The following KAZN variants were observed in gnomAD, a reference collection of about 807,000 sequenced individuals.
KAZN encodes kazrin.
KAZN carries 40 observed loss-of-function variants against 87.4 expected under a neutral mutation model. The ratio of observed to expected loss-of-function variants is 0.46; its 90% CI spans 0.36 to 0.60. KAZN has a LOEUF of 0.60. KAZN is among the 20% of genes least tolerant of loss of function. The pLI is 0.00. For synonymous variants in KAZN, 466 were observed against 458.3 expected, an observed-to-expected ratio of 1.02 and a Z score of -0.22; for missense variants, 898 against 1,073.9, an observed-to-expected ratio of 0.84 and a Z score of 2.29.
chr1:14,840,255 A>T (rs1460700367), intron 1 of KAZN, among the ~76,000 whole-genome samples: 1 of 152,118 alleles, frequency 6.6e-6, no homozygotes, highest in Admixed American at 6.5e-5. Context: ...AAATGATTAG[A>T]TTGCTGGGCG....
intron 1 of KAZN, among the ~76,000 whole-genome samples, chr1:14,603,829 C>T (rs553081890): frequency 6.6e-6 from 1 of 152,172 alleles, no homozygotes; most frequent in Non-Finnish European, 1.5e-5. Flanking sequence ...GTGTTTGTAG[C>T]AGATGGGCTT....
Position 14,554,679 on chromosome 1 carries a change from A to G in KAZN, c.250-44304A>G, listed in dbSNP as rs765956803. 2.0e-5 allele frequency among the ~76,000 whole-genome samples: 3 copies of G among 152,340 alleles called. No individual in the cohort carries two copies. The South Asian group carries it at 6.2e-4, about 32-fold the overall frequency. On this transcript the variant is annotated intron_variant, in intron 2 of 16. Transcript: ENST00000636203. ...TATTAATCCGGTACTTGACATCTCT[A>G]GAAAGATCTGTATTGGAGTCCATGT...
chr1:13,957,333 T>C (rs550563085), intron 1 of KAZN, among the ~76,000 whole-genome samples: 6 of 152,152 alleles, frequency 3.9e-5, no homozygotes, highest in Non-Finnish European at 7.4e-5. Flanking sequence ...AGATCCCTGC[T>C]CTTCTGGGAC....
intron 1 of KAZN, among the ~76,000 whole-genome samples, chr1:14,097,229 C>T (rs1386776454): frequency 6.6e-6 from 1 of 152,210 alleles, no homozygotes; most frequent in East Asian, 1.9e-4. Context: ...AGCCCATTGC[C>T]ATAGTCCAGG....
chr1:14,649,849 T>G (rs1638235580), intron 1 of KAZN, among the ~76,000 whole-genome samples: 1 of 152,184 alleles, frequency 6.6e-6, no homozygotes, highest in African/African-American at 2.4e-5. Context: ...TAATTATTTT[T>G]TATTTATACT....
intron 1 of KAZN, among the ~76,000 whole-genome samples, chr1:14,604,707 C>T (rs180971853): frequency 2.0e-5 from 3 of 152,334 alleles, no homozygotes; most frequent in East Asian, 3.9e-4. Context: ...ATTTATTCTG[C>T]GGGCTTTGTT....
At chr1:14,950,874 T>G (rs187215708) in intron 1 of KAZN, among the ~76,000 whole-genome samples, 1 of 151,962 alleles carries the variant, frequency 6.6e-6, no homozygotes, top group Admixed American at 6.5e-5. Flanking sequence ...AAAGGAAGAG[T>G]GCACAGGGCT....
chr1:13,925,628 T>A (rs1640243681), intron 1 of KAZN, among the ~76,000 whole-genome samples: 2 of 152,070 alleles, frequency 1.3e-5, no homozygotes, highest in South Asian at 4.1e-4. Flanking sequence ...GCTATGGAGA[T>A]CACTTGGGAC....
chr1:14,850,712 G>C (rs1039876158), intron 1 of KAZN, among the ~76,000 whole-genome samples: 2 of 152,170 alleles, frequency 1.3e-5, no homozygotes, highest in African/African-American at 4.8e-5. Context: ...GAACGTGTTT[G>C]AATGAGTGGC....
At chr1:14,775,499 G>A (rs1018371249) in intron 1 of KAZN, among the ~76,000 whole-genome samples, 8 of 152,336 alleles carry the variant, frequency 5.3e-5, no homozygotes, top group Non-Finnish European at 8.8e-5. Context: ...CAGCCTTGGC[G>A]TCCACGCCTT....
In KAZN at chr1:14,735,951, C is replaced by T. The variant is rs1043931598; in HGVS notation, c.226+136728C>T. 1.1e-4 allele frequency among the ~76,000 whole-genome samples: 16 copies of T among 152,140 alleles called. No individual in the cohort carries two copies. Among genetic ancestry groups the T allele is most frequent in the Admixed American group, 8.5e-4 (13 of 15,274 alleles). ...AAGCTTTGGGGGGAATGTGGAGCCC[C>T]CGCAGGAAGATGAGTTACCTCCAAC... On this transcript the variant is annotated intron_variant, in intron 1 of 14. Transcript: ENST00000376030. The surrounding 1 kb of genome is among the most constrained non-coding windows in gnomAD (Gnocchi z 4.3).
At position 14,820,161 on chromosome 1, in the gene KAZN, A is replaced by T. The variant is rs995111509; in HGVS notation, c.227-140523A>T. ...CCCTTCCCAAATATGCAGATTCAGT[A>T]GGAGTGGCAGGGCCCATGAACTCAC... On this transcript the variant is annotated intron_variant, in intron 1 of 14. Coordinates refer to ENST00000376030, the MANE Select transcript of KAZN (RefSeq NM_201628.3). The surrounding 1 kb of genome is among the most constrained non-coding windows in gnomAD (Gnocchi z 4.1). Among the ~76,000 whole-genome samples, 7 of 152,222 alleles carry T rather than the reference A, an allele frequency of 4.6e-5. No homozygotes were observed. The highest frequency in any genetic ancestry group is 1.5e-5 in the Non-Finnish European group (1 of 68,046).
intron 1 of KAZN, among the ~76,000 whole-genome samples, chr1:14,765,694 A>T (rs1400155693): frequency 6.6e-6 from 1 of 152,208 alleles, no homozygotes; most frequent in Admixed American, 6.5e-5. Flanking sequence ...CAGCTCAGAG[A>T]GTGCCTCAGC....
At chr1:14,553,493 T>C (rs1673671857) in intron 2 of KAZN, among the ~76,000 whole-genome samples, 1 of 152,234 alleles carries the variant, frequency 6.6e-6, no homozygotes, top group Non-Finnish European at 1.5e-5. Flanking sequence ...TGGTCACCTA[T>C]GTATCACCTT....
rs371990691 is a variant in KAZN, at chr1:14,742,546, C to A, written c.226+143323C>A. Among the ~76,000 whole-genome samples, 152 of 152,264 alleles carry A rather than the reference C, an allele frequency of 1.0e-3. 2 individuals carry two copies. In the South Asian group the frequency reaches 0.019, roughly 20 times the overall value. On this transcript the variant is annotated intron_variant, in intron 1 of 14. Coordinates refer to ENST00000376030, the MANE Select transcript of KAZN (RefSeq NM_201628.3). ...AGTCAGTTCATCCGCCAGCAATAAC[C>A]AATCTCGCCTCTCTGTGCTGCAGTC...
At chr1:14,729,921 G>T (rs1008212110) in intron 1 of KAZN, among the ~76,000 whole-genome samples, 11 of 152,040 alleles carry the variant, frequency 7.2e-5, no homozygotes, top group Non-Finnish European at 1.5e-5. Context: ...TTCAAATGTG[G>T]GTGACTATAA....
chr1:13,995,328 ATC>A (rs935478042), intron 1 of KAZN, among the ~76,000 whole-genome samples: 2 of 152,166 alleles, frequency 1.3e-5, no homozygotes, highest in African/African-American at 4.8e-5. Flanking sequence ...ACAAATTATT[ATC>A]TCTCATGCAT....
intron 2 of KAZN, among the ~76,000 whole-genome samples, chr1:14,521,258 C>G (rs79160724): frequency 0.036 from 5,411 of 152,210 alleles, 307 homozygotes; most frequent in African/African-American, 0.12. Flanking sequence ...GCACCATAAC[C>G]ACTTGAGCCA....
chr1:14,800,161 G>C (rs558725690), intron 1 of KAZN, among the ~76,000 whole-genome samples: 36 of 152,308 alleles, frequency 2.4e-4, no homozygotes, highest in African/African-American at 8.2e-4. Context: ...GGCTGACCCA[G>C]CATGGCAGAT....
Sources: gnomAD v4.1 joint callset for allele counts (sites outside exome capture counted in the v4.1 genomes callset) on GRCh38, gnomAD v4.1.1 for gene constraint, Gnocchi (gnomAD v3.1) non-coding constraint, MANE v1.5 for transcripts, NCBI Gene and HGNC (gene_info 2026-07-23, HGNC 2026-07-21) for gene names.